Variants in UTP6 observed in about 807,000 individuals in gnomAD.
UTP6 encodes UTP6 small subunit processome component.
A neutral mutation model predicts 96.5 loss-of-function variants in UTP6; 60 were observed. That is an observed-to-expected ratio of 0.62 (90% CI 0.51 to 0.77). The LOEUF is 0.77. Ranked by LOEUF, UTP6 falls within the 30% of genes least tolerant of loss-of-function variation. UTP6 has a pLI of 0.00. For synonymous variants in UTP6, 215 were observed against 240.1 expected (o/e 0.90, Z 0.96); for missense variants, 637 against 706.5 (o/e 0.90, Z 1.12).
rs1461238833 is a variant in UTP6, at chr17:31,884,484, AGTGACAC to A, written c.718_724del (p.Val240CysfsTer41). 1 of 1,612,154 alleles carries A rather than the reference AGTGACAC, an allele frequency of 6.2e-7. No individual in the cohort carries two copies. The highest frequency in any genetic ancestry group is 8.5e-7 in the Non-Finnish European group (1 of 1,179,278). On this transcript the variant is annotated frameshift_variant, in exon 10 of 19. Transcript: ENST00000261708. LOFTEE classifies it high-confidence loss of function. Reference sequence around the variant, plus strand: ...GTCAAATAGCTGTGCAATCGAAAGCAGTGACACGTGAAATTCTGCACCTAAATTTAAA... The same window carrying A: ...GTCAAATAGCTGTGCAATCGAAAGCAGTGAAATTCTGCACCTAAATTTAAA...
In UTP6 at chr17:31,867,579, G is replaced by A. The variant is rs188132504; in HGVS notation, c.1563+467C>T. Among the ~76,000 whole-genome samples, 96 of 151,614 alleles carry A rather than the reference G, an allele frequency of 6.3e-4. 2 individuals are homozygous for A. In the East Asian group the frequency reaches 0.012, roughly 19 times the overall value. On this transcript the variant is annotated intron_variant, in intron 17 of 18. Transcript: ENST00000261708. ...TATACTTTCTCTTTGCTTGATTACC[G>A]TTCTTAAACCAGCTCTATGGAAAAG...
intron 16 of UTP6, among the ~76,000 whole-genome samples, chr17:31,868,333 T>TTG (rs925923155): frequency 2.8e-5 from 4 of 144,530 alleles, no homozygotes; most frequent in Admixed American, 1.4e-4. Flanking sequence ...TGGTTTTTTT[T>TTG]TTTTTTTTTT....
intron 1 of UTP6, among the ~76,000 whole-genome samples, chr17:31,900,791 T>C (rs1598125190): frequency 6.6e-6 from 1 of 152,172 alleles, no homozygotes; most frequent in African/African-American, 2.4e-5. Flanking sequence ...AATGAACATA[T>C]GACAAATATA....
chr17:31,870,220 T>A (rs1910074139), intron 16 of UTP6, among the ~76,000 whole-genome samples: 1 of 152,166 alleles, frequency 6.6e-6, no homozygotes, highest in Non-Finnish European at 1.5e-5. Flanking sequence ...AAATGGCAGA[T>A]CTGTTTTAAG....
intron 16 of UTP6, among the ~76,000 whole-genome samples, chr17:31,869,798 T>C (rs1445332090): frequency 2.0e-5 from 3 of 152,182 alleles, no homozygotes; most frequent in African/African-American, 7.2e-5. Context: ...AATCGATAGG[T>C]AGCTTTTCAG....
At position 31,873,271 on chromosome 17, in the gene UTP6, G is replaced by A. The variant is rs563039960; in HGVS notation, c.1496+107C>T. 48 of 1,077,196 alleles carry A rather than the reference G, an allele frequency of 4.5e-5. No individual in the cohort carries two copies. The East Asian group carries it at 7.9e-4, about 18-fold the overall frequency. 66.7% of individuals were successfully genotyped at this position (1,077,196 alleles called of 1,614,324 possible). ...TCCATCTTAAAAAAAAAGAAAAAGT[G>A]TATCAGATTACTCCCTCAGATGCTA... On this transcript the variant is annotated intron_variant, in intron 16 of 18. Coordinates refer to ENST00000261708, the MANE Select transcript of UTP6 (RefSeq NM_018428.3).
chr17:31,868,332 T>TTG (rs1555572819), intron 16 of UTP6, among the ~76,000 whole-genome samples: 3 of 144,102 alleles, frequency 2.1e-5, no homozygotes, highest in African/African-American at 5.1e-5. Context: ...TTGGTTTTTT[T>TTG]TTTTTTTTTT....
chr17:31,867,887 A>G (rs867001631), intron 17 of UTP6, among the ~76,000 whole-genome samples, 159 bp downstream of exon 17: 1 of 151,164 alleles, frequency 6.6e-6, no homozygotes, highest in Non-Finnish European at 1.5e-5. Flanking sequence ...AACCTGGGAG[A>G]TGGAGGTTGC....
chr17:31,866,703 A>G (rs1274067951), intron 17 of UTP6: 2 of 123,022 alleles, frequency 1.6e-5, no homozygotes, highest in Non-Finnish European at 3.2e-5. Flanking sequence ...TGGGCGACAG[A>G]GAGAGACTCC....
At chr17:31,872,634 CCACTACACTCTAACCTAGGTGA>C (rs921099643) in intron 16 of UTP6, among the ~76,000 whole-genome samples, 9 of 151,736 alleles carry the variant, frequency 5.9e-5, no homozygotes, top group African/African-American at 1.9e-4. Flanking sequence ...CATGATTGTG[CCACTACACTCTAACCTAGGTGA>C]CAGAGCGAGA....
chr17:31,861,972 A>G lies in UTP6; in HGVS notation c.*1387T>C, dbSNP rs1909575004. 6.6e-6 allele frequency: 1 copy of G among 152,210 alleles called. No individual in the cohort carries two copies. Among genetic ancestry groups the G allele is most frequent in the South Asian group, 2.1e-4 (1 of 4,830 alleles). 9.4% of individuals were successfully genotyped at this position (152,210 alleles called of 1,614,324 possible). Reference sequence around the variant, plus strand: ...AAGATTGACAAGAATCTTCATCAACAGCATTTATCTAATTTTTAAAAAAAT... The same window carrying G: ...AAGATTGACAAGAATCTTCATCAACGGCATTTATCTAATTTTTAAAAAAAT... On this transcript the variant is annotated 3_prime_UTR_variant, in exon 19 of 19. Coordinates refer to ENST00000261708, the MANE Select transcript of UTP6 (RefSeq NM_018428.3).
chr17:31,894,800 T>C, intron 3 of UTP6, 63 bp from the exon 4 acceptor site: 3 of 1,433,786 alleles, frequency 2.1e-6, no homozygotes, highest in East Asian at 2.3e-5. Flanking sequence ...ACAGCATTCC[T>C]ACTTGACCAC....
intron 14 of UTP6, 184 bp from the exon 15 acceptor site, chr17:31,873,937 G>A: frequency 1.7e-6 from 1 of 593,182 alleles, no homozygotes; most frequent in Non-Finnish European, 2.8e-6. Flanking sequence ...TGTAAAATAG[G>A]GATTCATTCC....
chr17:31,877,590 G>A (rs182732797), intron 13 of UTP6, among the ~76,000 whole-genome samples: 11 of 152,266 alleles, frequency 7.2e-5, no homozygotes, highest in Admixed American at 6.5e-4. Context: ...TCAGCACTTT[G>A]GGAGGCTGAG....
In UTP6 at chr17:31,886,064, A is replaced by G; in HGVS notation, c.622-3T>C. 6.2e-7 allele frequency: 1 copy of G among 1,611,114 alleles called. No homozygotes were observed. The highest frequency in any genetic ancestry group is 1.3e-5 in the African/African-American group (1 of 74,896). On this transcript the variant is annotated splice_region_variant and splice_polypyrimidine_tract_variant and intron_variant, in intron 8 of 18. Coordinates refer to ENST00000261708, the MANE Select transcript of UTP6 (RefSeq NM_018428.3). The stretch of plus-strand genomic sequence containing the variant: ...TCTTCAGAATAATCAGGATTCTCCT[A>G]AAGAGTGTTATATCAAACGTAACTT...
chr17:31,892,924 C>T, intron 4 of UTP6, 130 bp from the exon 5 acceptor site: 1 of 1,058,716 alleles, frequency 9.4e-7, no homozygotes, highest in Non-Finnish European at 1.4e-6. Flanking sequence ...TGTAATCCCA[C>T]CACTTTGTGA....
chr17:31,863,296 A>G lies in UTP6; in HGVS notation c.*63T>C. ...TGAGCAAATTACAGATGGACTCAAT[A>G]CAAATTTGCCCACGGGGCTTGCTTG... On this transcript the variant is annotated 3_prime_UTR_variant, in exon 19 of 19. Transcript: ENST00000261708. 6.4e-7 allele frequency: 1 copy of G among 1,571,258 alleles called. No homozygotes were observed. The highest frequency in any genetic ancestry group is 1.2e-5 in the South Asian group (1 of 86,078).
intron 14 of UTP6, 123 bp downstream of exon 14, chr17:31,875,111 C>A: frequency 8.9e-7 from 1 of 1,120,336 alleles, no homozygotes; most frequent in South Asian, 1.5e-5. Context: ...TGAACCATCA[C>A]CACTGAATAG....
chr17:31,893,107 C>T (rs1904422575), intron 4 of UTP6, among the ~76,000 whole-genome samples: 1 of 151,956 alleles, frequency 6.6e-6, no homozygotes, highest in Non-Finnish European at 1.5e-5. Context: ...CCCGTCTCTA[C>T]TAAAAATACA....
Sources: gnomAD v4.1 joint callset for allele counts (sites outside exome capture counted in the v4.1 genomes callset) on GRCh38, gnomAD v4.1.1 for gene constraint, MANE v1.5 for transcripts, NCBI Gene and HGNC (gene_info 2026-07-23, HGNC 2026-07-21) for gene names.